The following DAPK1 variants were observed in gnomAD, a reference collection of about 807,000 sequenced individuals.
The protein encoded by DAPK1 is death associated protein kinase 1.
DAPK1 carries 56 observed loss-of-function variants against 144.9 expected under a neutral mutation model. The observed-to-expected ratio is 0.39, with a 90% CI of 0.31 to 0.48. The LOEUF is 0.48. DAPK1 is among the 20% of genes least tolerant of loss of function. The pLI, the probability that DAPK1 is intolerant of heterozygous loss-of-function variation, is 0.95. For missense variants in DAPK1, 1,454 were observed against 1,875.4 expected (o/e 0.78, Z 4.15); for synonymous variants, 690 against 749.0 (o/e 0.92, Z 1.29).
In DAPK1 at chr9:87,571,472, CACCAACACACACACACACACACCCCA is replaced by C. The variant is rs1392554254; in HGVS notation, c.63-33479_63-33454del. Among the ~76,000 whole-genome samples, 105 of 53,734 alleles carry C rather than the reference CACCAACACACACACACACACACCCCA, an allele frequency of 2.0e-3. 21 individuals carry two copies. The highest frequency in any genetic ancestry group is 4.7e-3 in the African/African-American group (51 of 10,930). 35.3% of individuals were successfully genotyped at this position (53,734 alleles called of 152,430 possible). The stretch of plus-strand genomic sequence containing the variant: ...ACACACACACACACACACACACACA[CACCAACACACACACACACACACCCCA>C]ACACACACACACACACACACACACA... On this transcript the variant is annotated intron_variant, in intron 2 of 25. Coordinates refer to ENST00000408954, the MANE Select transcript of DAPK1 (RefSeq NM_004938.4).
intron 3 of DAPK1, among the ~76,000 whole-genome samples, chr9:87,624,437 T>G (rs1383222588): frequency 2.0e-5 from 3 of 152,188 alleles, no homozygotes; most frequent in African/African-American, 7.2e-5. Flanking sequence ...AAAACCTGGA[T>G]CTGGAAACTG....
intron 2 of DAPK1, among the ~76,000 whole-genome samples, chr9:87,533,496 C>T (rs923718682): frequency 1.3e-5 from 2 of 152,198 alleles, no homozygotes; most frequent in Non-Finnish European, 2.9e-5. Flanking sequence ...GGGGTGCTAG[C>T]CACCACTGGG....
At chr9:87,623,141 A>AAC (rs1166240189) in intron 3 of DAPK1, among the ~76,000 whole-genome samples, 1 of 152,154 alleles carries the variant, frequency 6.6e-6, no homozygotes, top group Non-Finnish European at 1.5e-5. Context: ...CCACCTTCTT[A>AAC]ACAGCTGAGT....
chr9:87,637,838 T>C, intron 3 of DAPK1, 105 bp from the exon 4 acceptor site: 1 of 1,288,058 alleles, frequency 7.8e-7, no homozygotes, highest in Non-Finnish European at 1.1e-6. Context: ...GCATAGTCTT[T>C]ATGCTGTTTT....
chr9:87,579,270 C>T (rs1827666000), intron 2 of DAPK1, among the ~76,000 whole-genome samples: 1 of 152,160 alleles, frequency 6.6e-6, no homozygotes, highest in Non-Finnish European at 1.5e-5. Flanking sequence ...TCTTGGACCT[C>T]CTTGATAAAT....
intron 3 of DAPK1, among the ~76,000 whole-genome samples, chr9:87,609,047 G>A (rs1212244901): frequency 1.3e-5 from 2 of 152,176 alleles, no homozygotes; most frequent in African/African-American, 4.8e-5. Flanking sequence ...GAATGTGGGT[G>A]GCTCCGTCAA....
intron 3 of DAPK1, among the ~76,000 whole-genome samples, chr9:87,629,116 G>A (rs1587786603): frequency 1.3e-5 from 2 of 152,292 alleles, no homozygotes; most frequent in South Asian, 4.1e-4. Flanking sequence ...CTTCTCATTG[G>A]TTACATTCTT....
chr9:87,516,573 T>A (rs950072207), intron 2 of DAPK1, among the ~76,000 whole-genome samples: 1 of 152,206 alleles, frequency 6.6e-6, no homozygotes, highest in Non-Finnish European at 1.5e-5. Context: ...GATTTCTAAT[T>A]TTTCTTCAAT....
At chr9:87,521,206 T>C (rs867727552) in intron 2 of DAPK1, among the ~76,000 whole-genome samples, 10 of 152,358 alleles carry the variant, frequency 6.6e-5, no homozygotes, top group Middle Eastern at 3.4e-3. Flanking sequence ...GGATTCTGTA[T>C]CACCTAAGGG....
At chr9:87,651,470 G>C (rs138691043) in intron 16 of DAPK1, 57 bp from the exon 17 acceptor site, 41 of 1,555,906 alleles carry the variant, frequency 2.6e-5, no homozygotes, top group Non-Finnish European at 3.6e-5. Flanking sequence ...AAGGTGAAGA[G>C]ACGGAGGCCA....
intron 21 of DAPK1, among the ~76,000 whole-genome samples, chr9:87,695,021 G>A (rs968509123): frequency 1.3e-5 from 2 of 152,208 alleles, no homozygotes; most frequent in African/African-American, 2.4e-5. Context: ...CATGGTCTGT[G>A]TGCATTTTGC....
intron 19 of DAPK1, among the ~76,000 whole-genome samples, chr9:87,676,277 C>T (rs1440179694): frequency 6.6e-6 from 1 of 152,240 alleles, no homozygotes; most frequent in Non-Finnish European, 1.5e-5. Flanking sequence ...ACTGAACTCC[C>T]CCTCCAAATA....
At chr9:87,664,070 C>T (rs1227164469) in intron 18 of DAPK1, among the ~76,000 whole-genome samples, 2 of 152,056 alleles carry the variant, frequency 1.3e-5, no homozygotes, top group Non-Finnish European at 2.9e-5. Context: ...CCCCTTGGGA[C>T]CAGTCCATCC....
intron 3 of DAPK1, among the ~76,000 whole-genome samples, chr9:87,633,729 A>T (rs750774512): frequency 6.6e-6 from 1 of 152,188 alleles, no homozygotes; most frequent in Non-Finnish European, 1.5e-5. Context: ...GAGAAGGGCA[A>T]GCCTAATTTC....
At chr9:87,591,926 A>T (rs1385976122) in intron 2 of DAPK1, among the ~76,000 whole-genome samples, 1 of 152,188 alleles carries the variant, frequency 6.6e-6, no homozygotes, top group African/African-American at 2.4e-5. Flanking sequence ...AGTACCCTGG[A>T]GTAGAAAGTC....
At chr9:87,537,595 G>A (rs572003446) in intron 2 of DAPK1, among the ~76,000 whole-genome samples, 29 of 131,150 alleles carry the variant, frequency 2.2e-4, no homozygotes. Flanking sequence ...GATGTGTAGT[G>A]TGTGCGGCAT....
chr9:87,629,893 A>T (rs1829610550), intron 3 of DAPK1, among the ~76,000 whole-genome samples: 1 of 152,134 alleles, frequency 6.6e-6, no homozygotes. Flanking sequence ...CTGAGGCAGC[A>T]TCCACCTGCG....
At chr9:87,607,677 A>G (rs1828778943) in intron 3 of DAPK1, among the ~76,000 whole-genome samples, 1 of 152,154 alleles carries the variant, frequency 6.6e-6, no homozygotes, top group African/African-American at 2.4e-5. Context: ...AAGTTAACAC[A>G]TGTAAATCAT....
At chr9:87,648,576 T>C (rs973468949) in intron 14 of DAPK1, 65 of 536,504 alleles carry the variant, frequency 1.2e-4, no homozygotes, top group Non-Finnish European at 2.1e-4. Context: ...GAGCCAAGTA[T>C]GTGGGCTTAA....
Sources: gnomAD v4.1 joint callset for allele counts (sites outside exome capture counted in the v4.1 genomes callset) on GRCh38, gnomAD v4.1.1 for gene constraint, MANE v1.5 for transcripts, NCBI Gene and HGNC (gene_info 2026-07-23, HGNC 2026-07-21) for gene names.